The following PRKN variants were observed in gnomAD, a reference collection of about 807,000 sequenced individuals.
PRKN encodes the protein E3 ubiquitin-protein ligase parkin.
PRKN carries 56 observed loss-of-function variants against 59.5 expected under a neutral mutation model. The observed-to-expected ratio is 0.94, with a 90% CI of 0.76 to 1.18. PRKN has a LOEUF of 1.18. PRKN is among the 50% of genes most tolerant of loss of function. The pLI, the probability that PRKN is intolerant of heterozygous loss-of-function variation, is 0.00. For synonymous variants in PRKN, 250 were observed against 222.1 expected, an observed-to-expected ratio of 1.13 and a Z score of -1.12; for missense variants, 657 against 596.4, an observed-to-expected ratio of 1.10 and a Z score of -1.06.
chr6:161,960,902 C>T (rs927640960), intron 6 of PRKN, among the ~76,000 whole-genome samples: 2 of 152,110 alleles, frequency 1.3e-5, no homozygotes, highest in African/African-American at 2.4e-5. Flanking sequence ...ATATAGACAC[C>T]AATGCAGGAA....
intron 10 of PRKN, among the ~76,000 whole-genome samples, chr6:161,365,106 C>T (rs1258891939): frequency 1.3e-5 from 2 of 151,908 alleles, no homozygotes; most frequent in African/African-American, 4.8e-5. Context: ...CAATTTGCTT[C>T]TAAACAAGGA....
Position 161,457,091 on chromosome 6 carries a change from G to A in PRKN, c.1084-70214C>T, listed in dbSNP as rs750086888. Among the ~76,000 whole-genome samples, 3 of 152,176 alleles carry A rather than the reference G, an allele frequency of 2.0e-5. No homozygotes were observed. Among genetic ancestry groups the A allele is most frequent in the South Asian group, 2.1e-4 (1 of 4,828 alleles). On this transcript the variant is annotated intron_variant, in intron 9 of 11. Coordinates refer to ENST00000366898, the MANE Select transcript of PRKN (RefSeq NM_004562.3). The surrounding 1 kb of genome is among the most constrained non-coding windows in gnomAD (Gnocchi z 5.0). ...TAACAAATATCCACTGAGCGTCTTC[G>A]CTACGCAAGGCTCTCTTCCAGACCG... is the stretch of plus-strand genomic sequence containing the variant.
chr6:161,576,933 A>C lies in PRKN; in HGVS notation c.872-7517T>G, dbSNP rs1393595348. Among the ~76,000 whole-genome samples, 1 of 152,252 alleles carries C rather than the reference A, an allele frequency of 6.6e-6. No homozygotes were observed. Among genetic ancestry groups the C allele is most frequent in the African/African-American group, 2.4e-5 (1 of 41,474 alleles). Reference sequence around the variant, plus strand: ...ATGCACAATGCAATGTCATTTACAGAAAGTTTAGAGAATCTATTAAACAAT... The same window carrying C: ...ATGCACAATGCAATGTCATTTACAGCAAGTTTAGAGAATCTATTAAACAAT... On this transcript the variant is annotated intron_variant, in intron 7 of 11. Coordinates refer to ENST00000366898, the MANE Select transcript of PRKN (RefSeq NM_004562.3). This position sits in a 1 kb window ranked among gnomAD's most constrained non-coding sequence, Gnocchi z 4.6.
chr6:162,556,368 T>TGTGTGTGTGTGC (rs1779589862), intron 1 of PRKN, among the ~76,000 whole-genome samples: 9 of 98,120 alleles, frequency 9.2e-5, no homozygotes, highest in East Asian at 7.5e-4. Context: ...TGTGTGTGTG[T>TGTGTGTGTGTGC]GTGTGTGTGT....
At chr6:162,333,130 G>C (rs1332773525) in intron 2 of PRKN, among the ~76,000 whole-genome samples, 1 of 151,860 alleles carries the variant, frequency 6.6e-6, no homozygotes, top group African/African-American at 2.4e-5. Context: ...ACTAGAGAAA[G>C]AGACCCATAT....
intron 1 of PRKN, chr6:162,568,645 T>G: frequency 1.1e-6 from 1 of 931,792 alleles, no homozygotes; most frequent in Non-Finnish European, 1.7e-6. Flanking sequence ...GTACGGTTCC[T>G]GGAGCAGCAG....
At chr6:162,561,314 T>C (rs188255666) in intron 1 of PRKN, among the ~76,000 whole-genome samples, 4 of 152,232 alleles carry the variant, frequency 2.6e-5, no homozygotes, top group Non-Finnish European at 2.9e-5. Flanking sequence ...GTGGAGTAGA[T>C]ATTGAAGAGA....
intron 1 of PRKN, among the ~76,000 whole-genome samples, chr6:162,529,790 A>T (rs941124920): frequency 3.3e-5 from 5 of 152,196 alleles, no homozygotes; most frequent in African/African-American, 1.2e-4. Flanking sequence ...TTTATGGTCA[A>T]GGTTGTTTTG....
intron 7 of PRKN, among the ~76,000 whole-genome samples, chr6:161,714,348 G>A (rs532128852): frequency 2.6e-5 from 4 of 152,256 alleles, no homozygotes; most frequent in African/African-American, 9.6e-5. Context: ...ATTAGGCCAC[G>A]AGGGCTCCTC....
rs1395542897 is a variant in PRKN, at chr6:161,409,084, T to C, written c.1084-22207A>G. On this transcript the variant is annotated intron_variant, in intron 9 of 11. Transcript: ENST00000366898. The surrounding 1 kb of genome is among the most constrained non-coding windows in gnomAD (Gnocchi z 4.6). ...CCTCAGCCTCCCAAGTAACTAGGACTACAGGCTCCCATCACCATGCCCAGC... is the reference window on the plus strand; with the variant it reads ...CCTCAGCCTCCCAAGTAACTAGGACCACAGGCTCCCATCACCATGCCCAGC... Among the ~76,000 whole-genome samples, 2 of 152,138 alleles carry C rather than the reference T, an allele frequency of 1.3e-5. No individual in the cohort carries two copies. Among genetic ancestry groups the C allele is most frequent in the African/African-American group, 4.8e-5 (2 of 41,412 alleles).
At chr6:161,792,092 T>G (rs1435799217) in intron 6 of PRKN, among the ~76,000 whole-genome samples, 1 of 152,210 alleles carries the variant, frequency 6.6e-6, no homozygotes, top group South Asian at 2.1e-4. Context: ...TGGCAAGCCC[T>G]AGGATGACTG....
chr6:161,487,534 A>G lies in PRKN; in HGVS notation c.1083+61320T>C, dbSNP rs1777370679. Among the ~76,000 whole-genome samples the G allele has an allele frequency of 6.6e-6, 1 of 152,214 alleles. No homozygotes were observed. The highest frequency in any genetic ancestry group is 1.5e-5 in the Non-Finnish European group (1 of 68,040). Reference sequence around the variant, plus strand: ...TTAGCCCATGTTCTAAGCCTTCACCATTTTGTAGACCATCTTATTCACATT... The same window carrying G: ...TTAGCCCATGTTCTAAGCCTTCACCGTTTTGTAGACCATCTTATTCACATT... On this transcript the variant is annotated intron_variant, in intron 9 of 11. Coordinates refer to ENST00000366898, the MANE Select transcript of PRKN (RefSeq NM_004562.3). The surrounding 1 kb of genome is among the most constrained non-coding windows in gnomAD (Gnocchi z 5.3).
At chr6:162,443,596 C>T in intron 1 of PRKN, 123 bp from the exon 2 acceptor site, 1 of 891,454 alleles carries the variant, frequency 1.1e-6, no homozygotes, top group South Asian at 1.4e-5. Context: ...TATATATTTT[C>T]TTTCACTTAC....
At chr6:161,684,751 A>G (rs1458434875) in intron 7 of PRKN, among the ~76,000 whole-genome samples, 2 of 152,120 alleles carry the variant, frequency 1.3e-5, no homozygotes, top group African/African-American at 4.8e-5. Flanking sequence ...TTATTTCACT[A>G]AAGTCTATAT....
chr6:161,848,637 T>A (rs572123938), intron 6 of PRKN, among the ~76,000 whole-genome samples: 1 of 152,182 alleles, frequency 6.6e-6, no homozygotes, highest in Admixed American at 6.5e-5. Context: ...AGCACCTCCC[T>A]GGGGAATCTG....
Position 161,748,480 on chromosome 6 carries a change from G to A in PRKN, c.871+37292C>T, listed in dbSNP as rs530849015. Among the ~76,000 whole-genome samples, 12 of 152,056 alleles carry A rather than the reference G, an allele frequency of 7.9e-5. No homozygotes were observed. The South Asian group carries it at 2.3e-3, about 29-fold the overall frequency. On this transcript the variant is annotated intron_variant, in intron 7 of 11. Coordinates refer to ENST00000366898, the MANE Select transcript of PRKN (RefSeq NM_004562.3). ...GAAAATATTGGCAGAACTCCCACCCGCGCTTTGATTTTGGCTCAGAAAATC... is the reference window on the plus strand; with the variant it reads ...GAAAATATTGGCAGAACTCCCACCCACGCTTTGATTTTGGCTCAGAAAATC...
At chr6:162,560,852 G>GGAAAAAAAAAAA (rs1554244660) in intron 1 of PRKN, among the ~76,000 whole-genome samples, 1 of 2,898 alleles carries the variant, frequency 3.5e-4, no homozygotes, top group Non-Finnish European at 7.0e-4. Context: ...AGAGAGAGAG[G>GGAAAAAAAAAAA]CAAAAAAAAA....
intron 5 of PRKN, among the ~76,000 whole-genome samples, chr6:162,010,623 T>A (rs1412860308): frequency 0.013 from 27 of 2,038 alleles, 7 homozygotes; most frequent in Non-Finnish European, 0.016. Context: ...TATATTATAT[T>A]ATATATAATA....
rs573567126 is a variant in PRKN at position 162,346,179 on chromosome 6, C to T, written c.172-83414G>A. On this transcript the variant is annotated intron_variant, in intron 2 of 11. Transcript: ENST00000366898. ...TAACAACATAAAACAAAGACAATAA[C>T]TTTTGTTCTTTTACTAGCCATATTC... Among the ~76,000 whole-genome samples, 26 of 152,252 alleles carry T rather than the reference C, an allele frequency of 1.7e-4. No individual in the cohort carries two copies. The East Asian group carries it at 4.8e-3, about 28-fold the overall frequency.
Sources: allele counts gnomAD v4.1 joint callset (sites outside exome capture counted in the v4.1 genomes callset), GRCh38; gene constraint gnomAD v4.1.1; non-coding constraint Gnocchi (gnomAD v3.1); transcripts MANE v1.5; gene names NCBI Gene and HGNC (gene_info 2026-07-23, HGNC 2026-07-21).